H2AZ2: variants seen among roughly 807,000 people sequenced by gnomAD.
H2AZ2 encodes histone H2A.V.
A neutral mutation model predicts 15.5 loss-of-function variants in H2AZ2; 5 were observed. That is an observed-to-expected ratio of 0.32 (90% CI 0.17 to 0.68). The LOEUF is 0.68. H2AZ2 is among the 30% of genes least tolerant of loss of function. The pLI is 0.72. For synonymous variants in H2AZ2, 44 were observed against 57.4 expected (o/e 0.77, Z 1.05); for missense variants, 42 against 162.5 (o/e 0.26, Z 4.03).
rs34882778 is a variant in H2AZ2, at chr7:44,839,607, G to A, written c.195+1292C>T. Among the ~76,000 whole-genome samples the A allele has an allele frequency of 1.0e-4, 15 of 150,344 alleles. 1 individual carries two copies. Among genetic ancestry groups the A allele is most frequent in the African/African-American group, 3.7e-4 (15 of 40,836 alleles). On this transcript the variant is annotated intron_variant, in intron 3 of 4. Coordinates refer to ENST00000308153, the MANE Select transcript of H2AZ2 (RefSeq NM_012412.5). ...TGAGGTGGGAGAATGGCGTGAATCCGGGAGGCGGAGGTTGCAGTGAGCCGA... is the reference window on the plus strand; with the variant it reads ...TGAGGTGGGAGAATGGCGTGAATCCAGGAGGCGGAGGTTGCAGTGAGCCGA...
chr7:44,834,779 C>A, intron 4 of H2AZ2: 1 of 343,446 alleles, frequency 2.9e-6, no homozygotes, highest in Non-Finnish European at 5.3e-6. Context: ...GAAGAGTAAC[C>A]ATAGCTTTTT....
chr7:44,830,397 C>T (rs556666201), downstream of H2AZ2, among the ~76,000 whole-genome samples: 2 of 152,292 alleles, frequency 1.3e-5, no homozygotes, highest in East Asian at 3.9e-4. Context: ...AAGCAAGTCA[C>T]ATTTCTCATT....
chr7:44,829,879 A>G (rs1050197432), downstream of H2AZ2: 1 of 350,248 alleles, frequency 2.9e-6, no homozygotes, highest in African/African-American at 2.1e-5. Context: ...GTTTATCCAA[A>G]AGGTCAAACA....
downstream of H2AZ2, chr7:44,829,167 T>C (rs996327693): frequency 9.9e-5 from 15 of 152,230 alleles, no homozygotes; most frequent in African/African-American, 3.4e-4. Context: ...CTCTTGTACA[T>C]CTACAGCACC....
chr7:44,840,522 G>A (rs1453844016), intron 3 of H2AZ2, among the ~76,000 whole-genome samples: 2 of 152,192 alleles, frequency 1.3e-5, no homozygotes, highest in East Asian at 1.9e-4. Context: ...TGTAATCTCA[G>A]CACTTTGGGA....
intron 1 of H2AZ2, 78 bp downstream of exon 1, chr7:44,847,891 G>T: frequency 6.5e-7 from 1 of 1,526,820 alleles, no homozygotes; most frequent in Non-Finnish European, 8.7e-7. Flanking sequence ...CGACTCCACA[G>T]GTAGCGGCGC....
chr7:44,846,673 C>T (rs1048249971), intron 1 of H2AZ2, among the ~76,000 whole-genome samples: 2 of 134,946 alleles, frequency 1.5e-5, no homozygotes, highest in African/African-American at 5.3e-5. Flanking sequence ...AAAAAAACCA[C>T]AAAAAACTAG....
intron 1 of H2AZ2, 146 bp downstream of exon 1, chr7:44,847,823 G>T: frequency 3.6e-6 from 4 of 1,126,404 alleles, no homozygotes; most frequent in Non-Finnish European, 4.9e-6. Flanking sequence ...GGGACATGGC[G>T]CCCCCCGGCG....
chr7:44,845,307 A>G (rs942543263), intron 1 of H2AZ2, among the ~76,000 whole-genome samples: 12 of 152,200 alleles, frequency 7.9e-5, no homozygotes, highest in African/African-American at 2.7e-4. Context: ...CAAGAGACTG[A>G]TTTAAGTTTA....
intron 3 of H2AZ2, among the ~76,000 whole-genome samples, chr7:44,840,037 ATAAATAAT>A (rs983470280): frequency 1.7e-5 from 2 of 118,662 alleles, no homozygotes; most frequent in African/African-American, 6.3e-5. Context: ...AAATAAATAA[ATAAATAAT>A]TAGCCAGGTG....
chr7:44,845,519 A>G (rs1389327832), intron 1 of H2AZ2, among the ~76,000 whole-genome samples: 1 of 152,146 alleles, frequency 6.6e-6, no homozygotes, highest in African/African-American at 2.4e-5. Context: ...AAACCTCTCA[A>G]CTGGCATCTA....
chr7:44,834,656 C>T, intron 4 of H2AZ2, 94 bp from the exon 5 acceptor site: 1 of 1,185,950 alleles, frequency 8.4e-7, no homozygotes, highest in Non-Finnish European at 1.2e-6. Flanking sequence ...TACTTAAGTC[C>T]CTTTTCATAT....
rs994312362 is a variant in H2AZ2 at position 44,832,150 on chromosome 7, G to C, written c.*2351C>G. The stretch of plus-strand genomic sequence containing the variant: ...AATCTATAGATTATATTAACAAAAT[G>C]CAAGATCTAGATCTTGCCTGGATCT... On this transcript the variant is annotated 3_prime_UTR_variant, in exon 5 of 5. Coordinates refer to ENST00000308153, the MANE Select transcript of H2AZ2 (RefSeq NM_012412.5). Among the ~76,000 whole-genome samples, 1 of 152,022 alleles carries C rather than the reference G, an allele frequency of 6.6e-6. No individual in the cohort carries two copies. The highest frequency in any genetic ancestry group is 2.4e-5 in the African/African-American group (1 of 41,370).
In H2AZ2 at chr7:44,834,173, A is replaced by G. The variant is rs1443799304; in HGVS notation, c.*328T>C. On this transcript the variant is annotated 3_prime_UTR_variant, in exon 5 of 5. Transcript: ENST00000308153. ...AACCAATCTGAGATTTAAAATATTT[A>G]AAGTCTGAGTAAAATATTTCTAATA... 1 of 1,022,190 alleles carries G rather than the reference A, an allele frequency of 9.8e-7. No homozygotes were observed. Among genetic ancestry groups the G allele is most frequent in the Non-Finnish European group, 1.2e-6 (1 of 842,458 alleles). 63.3% of individuals were successfully genotyped at this position (1,022,190 alleles called of 1,614,324 possible).
chr7:44,843,311 T>C lies in H2AZ2; in HGVS notation c.47A>G (p.Lys16Arg). The C allele has an allele frequency of 6.2e-7, 1 of 1,613,096 alleles. No homozygotes were observed. The highest frequency in any genetic ancestry group is 8.5e-7 in the Non-Finnish European group (1 of 1,179,636). Residue 16 changes from lysine (K) to arginine (R), a missense_variant, in exon 2 of 5, where the codon AAG (lysine) becomes AGG (arginine). Lys to Arg is a conservative substitution (Grantham distance 26). Transcript: ENST00000308153. ...AGCTCTCTGTGAGCGAGATACTGCC[T>C]TAGCCTTGGCCTTCCCACTGTCCTT... Reference protein sequence around the residue: ...AGKDSGKAKAKAVSRSQRAGL... With the variant: ...AGKDSGKAKARAVSRSQRAGL...
At chr7:44,830,614 C>A, downstream of H2AZ2, among the ~76,000 whole-genome samples, 1 of 152,192 alleles carries the variant, frequency 6.6e-6, no homozygotes, top group African/African-American at 2.4e-5. Context: ...AGTGCCATTG[C>A]ATTTCACTGT....
At chr7:44,830,072 C>A, downstream of H2AZ2, 1 of 1,465,272 alleles carries the variant, frequency 6.8e-7, no homozygotes, top group South Asian at 1.1e-5. Context: ...GCTCAGCACA[C>A]ATCCCAGTAG....
downstream of H2AZ2, among the ~76,000 whole-genome samples, chr7:44,831,678 G>A (rs1173257801): frequency 6.6e-6 from 1 of 152,094 alleles, no homozygotes; most frequent in African/African-American, 2.4e-5. Context: ...GAATTAATGA[G>A]CACAAGTTCT....
At chr7:44,830,130 T>G, downstream of H2AZ2, 2 of 1,613,494 alleles carry the variant, frequency 1.2e-6, no homozygotes, top group Non-Finnish European at 1.7e-6. Flanking sequence ...CCTAATACAA[T>G]GGCATCTTCT....
Sources: gnomAD v4.1 joint callset for allele counts (sites outside exome capture counted in the v4.1 genomes callset) on GRCh38, gnomAD v4.1.1 for gene constraint, MANE v1.5 for transcripts, NCBI Gene and HGNC (gene_info 2026-07-23, HGNC 2026-07-21) for gene names.